The following GLI2 variants were observed in gnomAD, a reference collection of about 807,000 sequenced individuals.
GLI2 encodes the protein transcription activator GLI2.
A neutral mutation model predicts 78.9 loss-of-function variants in GLI2; 22 were observed. The ratio of observed to expected loss-of-function variants is 0.28; its 90% confidence interval spans 0.20 to 0.40. The LOEUF (loss-of-function observed/expected upper bound fraction) is 0.40. Ranked by LOEUF, GLI2 falls within the 10% of genes least tolerant of loss-of-function variation. The pLI is 1.00. For missense variants in GLI2, 2,097 were observed against 2,213.2 expected, an observed-to-expected ratio of 0.95 and a Z score of 1.05; for synonymous variants, 974 against 963.7, an observed-to-expected ratio of 1.01 and a Z score of -0.20.
intron 13 of GLI2, 137 bp from the exon 14 acceptor site, chr2:120,988,071 A>G: frequency 1.4e-6 from 1 of 700,672 alleles, no homozygotes; most frequent in South Asian, 2.2e-5. Context: ...AAAGAGAGAA[A>G]GAAAGCATGC....
At chr2:120,919,302 T>C (rs969663441) in intron 2 of GLI2, among the ~76,000 whole-genome samples, 7 of 152,234 alleles carry the variant, frequency 4.6e-5, no homozygotes, top group Admixed American at 1.3e-4. Context: ...GGGAACAAAA[T>C]TGGATGTCAA....
intron 1 of GLI2, among the ~76,000 whole-genome samples, chr2:120,761,455 C>T (rs930570376): frequency 2.0e-5 from 3 of 152,220 alleles, no homozygotes; most frequent in African/African-American, 7.2e-5. Flanking sequence ...GGGGTGGCTG[C>T]TTCTCTCCCT....
intron 7 of GLI2, among the ~76,000 whole-genome samples, 177 bp from the exon 8 acceptor site, chr2:120,971,764 T>G (rs1281158664): frequency 6.6e-6 from 1 of 152,222 alleles, no homozygotes; most frequent in Non-Finnish European, 1.5e-5. Context: ...GGTGCTCTCC[T>G]GTAGCAGGAC....
Position 120,822,809 on chromosome 2 carries a change from G to A in GLI2, c.148+25341G>A, listed in dbSNP as rs576510167. Among the ~76,000 whole-genome samples the A allele has an allele frequency of 5.6e-4, 85 of 152,234 alleles. 1 individual carries two copies. Among genetic ancestry groups the A allele is most frequent in the African/African-American group, 1.7e-3 (69 of 41,526 alleles). ...ACTCCCTGGGCTTTTGAAATTCAAA[G>A]CTTCAGAGGAAATGGTACGAATGCA... On this transcript the variant is annotated intron_variant, in intron 2 of 13. Transcript: ENST00000361492.
intron 2 of GLI2, among the ~76,000 whole-genome samples, chr2:120,832,831 G>C (rs1266815573): frequency 6.6e-6 from 1 of 152,128 alleles, no homozygotes; most frequent in African/African-American, 2.4e-5. Context: ...CAGCAGACCG[G>C]GGAAGGTCTG....
chr2:120,944,954 C>T (rs1208372342), intron 3 of GLI2, among the ~76,000 whole-genome samples: 1 of 152,266 alleles, frequency 6.6e-6, no homozygotes, highest in Non-Finnish European at 1.5e-5. Flanking sequence ...ATCCATTCTC[C>T]CTTTTCCCCT....
In GLI2 at chr2:120,752,672, G is replaced by C. The variant is rs141703740; in HGVS notation, c.-31+16387G>C. On this transcript the variant is annotated intron_variant, in intron 1 of 13. Coordinates refer to ENST00000361492, the MANE Select transcript of GLI2 (RefSeq NM_001374353.1). ...GTTATACATACATTATAAAGTTTTCGTACCACTGCCGTAGCCCAGCCACCC... is the reference window on the plus strand; with the variant it reads ...GTTATACATACATTATAAAGTTTTCCTACCACTGCCGTAGCCCAGCCACCC... Among the ~76,000 whole-genome samples, 260 of 152,206 alleles carry C rather than the reference G, an allele frequency of 1.7e-3. 3 individuals carry two copies. The highest frequency in any genetic ancestry group is 6.1e-3 in the African/African-American group (254 of 41,514).
intron 1 of GLI2, among the ~76,000 whole-genome samples, chr2:120,782,290 G>A (rs747402303): frequency 2.3e-4 from 35 of 152,160 alleles, no homozygotes; most frequent in Non-Finnish European, 5.0e-4. Context: ...TTTATGGCAG[G>A]TGGTAGACTT....
At chr2:120,820,806 C>T (rs112972544) in intron 2 of GLI2, among the ~76,000 whole-genome samples, 29 of 152,274 alleles carry the variant, frequency 1.9e-4, no homozygotes, top group African/African-American at 2.9e-4. Flanking sequence ...CCAGTGGCCA[C>T]GGAGCAGGCA....
At chr2:120,947,335 T>A (rs1057401365) in intron 3 of GLI2, among the ~76,000 whole-genome samples, 2 of 152,244 alleles carry the variant, frequency 1.3e-5, no homozygotes, top group African/African-American at 4.8e-5. Context: ...ATCCACAAGA[T>A]GGGCATAAAG....
Position 120,955,379 on chromosome 2 carries a change from G to A in GLI2, c.592G>A (p.Gly198Arg), listed in dbSNP as rs567800401. Reference sequence around the variant, plus strand: ...CTACGGGGACCTGCTGATGCAGAGCGGGGGCGCTGCCAGCGCACCCCATCT... The same window carrying A: ...CTACGGGGACCTGCTGATGCAGAGCAGGGGCGCTGCCAGCGCACCCCATCT... Reference protein sequence around the residue: ...APYGDLLMQSGGAASAPHLHD... With the variant: ...APYGDLLMQSRGAASAPHLHD... The change falls in exon 5 of 14, where the codon GGG becomes AGG. Residue 198 changes from glycine (G) to arginine (R), a missense_variant. Physicochemically the swap from Gly to Arg is moderately radical, Grantham distance 125. Coordinates refer to ENST00000361492, the MANE Select transcript of GLI2 (RefSeq NM_001374353.1). The A allele has an allele frequency of 4.9e-5, 79 of 1,612,488 alleles. No homozygotes were observed. The African/African-American group carries it at 4.9e-4, about 10-fold the overall frequency.
intron 2 of GLI2, among the ~76,000 whole-genome samples, chr2:120,896,028 G>C (rs1419329773): frequency 6.6e-6 from 1 of 152,200 alleles, no homozygotes; most frequent in Non-Finnish European, 1.5e-5. Context: ...AGGCAGACAA[G>C]GGCCAGGGTG....
chr2:120,836,584 G>T (rs189665206), intron 2 of GLI2, among the ~76,000 whole-genome samples: 5 of 152,176 alleles, frequency 3.3e-5, no homozygotes, highest in Admixed American at 3.3e-4. Flanking sequence ...TCACAGCAGG[G>T]GTTTATAAAA....
intron 2 of GLI2, among the ~76,000 whole-genome samples, chr2:120,862,686 TC>T (rs1358379047): frequency 6.6e-6 from 1 of 152,104 alleles, no homozygotes; most frequent in Non-Finnish European, 1.5e-5. Flanking sequence ...ATGCACAATA[TC>T]TTATTCATTA....
intron 1 of GLI2, among the ~76,000 whole-genome samples, chr2:120,772,521 G>C (rs533227233): frequency 6.6e-6 from 1 of 152,220 alleles, no homozygotes; most frequent in Non-Finnish European, 1.5e-5. Flanking sequence ...GTCCCCAGGA[G>C]CACCCCGGCT....
intron 2 of GLI2, among the ~76,000 whole-genome samples, chr2:120,881,812 A>AGG (rs1677164732): frequency 2.7e-4 from 6 of 22,012 alleles, no homozygotes; most frequent in Admixed American, 6.3e-4. Context: ...AGTGGGGGAG[A>AGG]ACAGTCGTGG....
At chr2:120,811,474 C>G (rs1439509390) in intron 2 of GLI2, among the ~76,000 whole-genome samples, 1 of 152,178 alleles carries the variant, frequency 6.6e-6, no homozygotes, top group Non-Finnish European at 1.5e-5. Context: ...GGTGGCATCG[C>G]TAAGGAGGGC....
chr2:120,865,895 A>AC (rs1186470476), intron 2 of GLI2, among the ~76,000 whole-genome samples: 7 of 151,820 alleles, frequency 4.6e-5, no homozygotes, highest in South Asian at 2.1e-4. Context: ...TGGACCTGGC[A>AC]CCCCCCCTGT....
chr2:120,745,654 A>G (rs1682672901), intron 1 of GLI2, among the ~76,000 whole-genome samples: 1 of 152,132 alleles, frequency 6.6e-6, no homozygotes, highest in Non-Finnish European at 1.5e-5. Flanking sequence ...TGATTCATAC[A>G]GTTTTGCACT....
Sources: allele counts gnomAD v4.1 joint callset (sites outside exome capture counted in the v4.1 genomes callset), GRCh38; gene constraint gnomAD v4.1.1; transcripts MANE v1.5; gene names NCBI Gene and HGNC (gene_info 2026-07-23, HGNC 2026-07-21).